The following SLC36A3 variants were observed in gnomAD, a reference collection of about 807,000 sequenced individuals.
SLC36A3 encodes solute carrier family 36 member 3.
SLC36A3 carries 35 observed loss-of-function variants against 44.3 expected under a neutral mutation model. That is an observed-to-expected ratio of 0.79 (90% CI 0.60 to 1.05). The LOEUF (loss-of-function observed/expected upper bound fraction) is 1.05. Among genes scored for constraint, SLC36A3 ranks in the 50% least tolerant of loss-of-function variants. The probability of loss-of-function intolerance (pLI) is 0.00; values close to 1 mark genes in which losing one functional copy is unlikely to be tolerated. For missense variants in SLC36A3, 540 were observed against 578.7 expected (o/e 0.93, Z 0.69); for synonymous variants, 211 against 227.6 (o/e 0.93, Z 0.66).
At chr5:151,288,079 C>T (rs1561633208) in intron 5 of SLC36A3, among the ~76,000 whole-genome samples, 1 of 152,216 alleles carries the variant, frequency 6.6e-6, no homozygotes, top group Non-Finnish European at 1.5e-5. Flanking sequence ...TTCTACATGA[C>T]AACCTTGAGA....
At chr5:151,296,698 T>C (rs1188886448) in intron 2 of SLC36A3, 1 of 165,362 alleles carries the variant, frequency 6.0e-6, no homozygotes, top group Non-Finnish European at 1.3e-5. Flanking sequence ...ATTGACATTT[T>C]GGGGCAGATA....
At chr5:151,299,394 T>TATATATATATATATATA (rs58121505) in intron 1 of SLC36A3, among the ~76,000 whole-genome samples, 40 of 133,006 alleles carry the variant, frequency 3.0e-4, no homozygotes, top group African/African-American at 1.0e-3. Context: ...TATATATATA[T>TATATATATATATATATA]TATATATATA....
chr5:151,287,739 GGTT>G (rs879585707), intron 5 of SLC36A3, among the ~76,000 whole-genome samples: 2 of 152,134 alleles, frequency 1.3e-5, no homozygotes, highest in African/African-American at 2.4e-5. Context: ...AAGGCTTTGA[GGTT>G]GTTATCTACT....
intron 2 of SLC36A3, chr5:151,296,626 G>A (rs1045050517): frequency 6.9e-6 from 2 of 287,794 alleles, no homozygotes; most frequent in Middle Eastern, 1.1e-3. Context: ...ATGATTGAGG[G>A]CCAAGGTGTT....
intron 6 of SLC36A3, 46 bp downstream of exon 6, chr5:151,287,200 T>A: frequency 6.3e-7 from 1 of 1,594,290 alleles, no homozygotes; most frequent in Non-Finnish European, 8.6e-7. Context: ...TCCCCAGGTG[T>A]TTCAGAGACC....
intron 4 of SLC36A3, among the ~76,000 whole-genome samples, chr5:151,292,463 G>A (rs146132746): frequency 2.0e-5 from 3 of 152,088 alleles, no homozygotes; most frequent in African/African-American, 4.8e-5. Flanking sequence ...CATGCCTTTG[G>A]ATATGTTATT....
intron 3 of SLC36A3, among the ~76,000 whole-genome samples, chr5:151,294,389 T>C (rs772325606): frequency 2.6e-5 from 4 of 152,112 alleles, no homozygotes; most frequent in Admixed American, 2.6e-4. Context: ...ATCAGACAGG[T>C]ACTGGTGATC....
chr5:151,291,917 A>G (rs180714442), intron 4 of SLC36A3, among the ~76,000 whole-genome samples: 37 of 152,108 alleles, frequency 2.4e-4, no homozygotes, highest in African/African-American at 8.7e-4. Flanking sequence ...CTGGAGTGCA[A>G]TGGTGCGATC....
At chr5:151,288,647 C>T (rs1362634918) in intron 4 of SLC36A3, among the ~76,000 whole-genome samples, 177 bp from the exon 5 acceptor site, 1 of 145,310 alleles carries the variant, frequency 6.9e-6, no homozygotes, top group African/African-American at 2.7e-5. Flanking sequence ...AATTAACATC[C>T]ATGTACCCTT....
chr5:151,284,696 T>C lies in SLC36A3; in HGVS notation c.724A>G (p.Ser242Gly), dbSNP rs771555484. Residue 242 changes from serine (S) to glycine (G), a missense_variant, in exon 7 of 10, where the codon AGC becomes GGC. Transcript: ENST00000335230. ...CAGTTTGCCATCAAGGGTAGGTTGCTGGGATATGGAATCCCCTAAAAGAAA... is the reference window on the plus strand; with the variant it reads ...CAGTTTGCCATCAAGGGTAGGTTGCCGGGATATGGAATCCCCTAAAAGAAA... Reference protein sequence around the residue: ...EYIMEGIPYPSNLPLMANWKT... With the variant: ...EYIMEGIPYPGNLPLMANWKT... The C allele has an allele frequency of 1.2e-6, 2 of 1,613,084 alleles. No homozygotes were observed. The highest frequency in any genetic ancestry group is 1.7e-6 in the Non-Finnish European group (2 of 1,179,336).
chr5:151,293,583 C>T, intron 3 of SLC36A3, 124 bp from the exon 4 acceptor site: 4 of 756,658 alleles, frequency 5.3e-6, no homozygotes, highest in Non-Finnish European at 8.4e-6. Context: ...AATTTTCTCC[C>T]AGTGATCTAC....
chr5:151,293,772 G>C (rs1754849585), intron 3 of SLC36A3, among the ~76,000 whole-genome samples: 1 of 152,214 alleles, frequency 6.6e-6, no homozygotes, highest in Non-Finnish European at 1.5e-5. Flanking sequence ...GGAGGAGGGA[G>C]GGGAAGAGGT....
intron 9 of SLC36A3, 122 bp downstream of exon 9, chr5:151,280,892 G>T (rs940001114): frequency 5.3e-6 from 6 of 1,140,700 alleles, no homozygotes; most frequent in Non-Finnish European, 7.5e-6. Context: ...GGTCCAGGGA[G>T]GTGAAATATC....
chr5:151,282,539 G>T lies in SLC36A3; in HGVS notation c.975-1356C>A, dbSNP rs563326157. ...GATCTGGCTCTTCTATTTAATAGCT[G>T]GTTGATATGTCAATTGCATGGATAT... On this transcript the variant is annotated intron_variant, in intron 8 of 9. Transcript: ENST00000335230. Among the ~76,000 whole-genome samples, 4 of 152,186 alleles carry T rather than the reference G, an allele frequency of 2.6e-5. No individual in the cohort carries two copies. The South Asian group carries it at 8.3e-4, about 32-fold the overall frequency.
intron 1 of SLC36A3, 111 bp downstream of exon 1, chr5:151,303,116 C>T (rs994423887): frequency 9.3e-6 from 12 of 1,292,654 alleles, no homozygotes; most frequent in South Asian, 1.7e-5. Context: ...CCACGCATAT[C>T]GTGTTAATGG....
chr5:151,298,592 C>CCAA lies in SLC36A3; in HGVS notation c.217_219dup (p.Leu73dup), dbSNP rs760134983. ...GTTCCCATCCCACAGATGCCTCTTA[C>CCAA]CAACAAGCCGGCATTCTTTATGGCC... On this transcript the variant is annotated inframe_insertion and splice_region_variant. Transcript: ENST00000335230. 10 of 1,614,138 alleles carry CCAA rather than the reference C, an allele frequency of 6.2e-6. No homozygotes were observed. The highest frequency in any genetic ancestry group is 8.5e-6 in the Non-Finnish European group (10 of 1,179,994).
rs531176721 is a variant in SLC36A3, at chr5:151,277,380, TA to T, written c.*12del. On this transcript the variant is annotated 3_prime_UTR_variant, in exon 10 of 10. Transcript: ENST00000335230. ...TGGGAGGAAGGGAGAGCTATTAGAA[TA>T]AAAACAGATAATTATGCATGGACAC... is the stretch of plus-strand genomic sequence containing the variant. 2.0e-3 allele frequency: 3,202 copies of T among 1,613,132 alleles called. 11 individuals are homozygous for T. Among genetic ancestry groups the T allele is most frequent in the Middle Eastern group, 7.3e-3 (44 of 6,010 alleles).
intron 3 of SLC36A3, 39 bp downstream of exon 3, chr5:151,296,141 G>A: frequency 6.2e-7 from 1 of 1,603,414 alleles, no homozygotes. Flanking sequence ...CCCTCAGAGG[G>A]GCCCCAGTGC....
rs771196036 is a variant in SLC36A3 at position 151,277,617 on chromosome 5, G to A, written c.1189C>T (p.Leu397=). Residue 397 remains leucine, a synonymous_variant, in exon 10 of 10, where the codon CTG becomes TTG. Coordinates refer to ENST00000335230, the MANE Select transcript of SLC36A3 (RefSeq NM_181774.4). ...LIPRLDLVIS[L]VGSVSSSALA... ...GCGCTGCTGCTCACGGAGCCTACCA[G>A]GGAGATGACCAAGTCCAGGCGGGGG... is the stretch of plus-strand genomic sequence containing the variant. The A allele has an allele frequency of 2.5e-6, 4 of 1,614,074 alleles. No individual in the cohort carries two copies. Among genetic ancestry groups the A allele is most frequent in the Non-Finnish European group, 3.4e-6 (4 of 1,180,032 alleles).
Sources: allele counts gnomAD v4.1 joint callset (sites outside exome capture counted in the v4.1 genomes callset), GRCh38; gene constraint gnomAD v4.1.1; transcripts MANE v1.5; gene names NCBI Gene and HGNC (gene_info 2026-07-23, HGNC 2026-07-21).